The following DPP6 variants were observed in gnomAD, a reference collection of about 807,000 sequenced individuals.
DPP6 encodes dipeptidyl peptidase like 6.
A neutral mutation model predicts 122.6 loss-of-function variants in DPP6; 69 were observed. The ratio of observed to expected loss-of-function variants is 0.56; its 90% CI spans 0.46 to 0.69. The LOEUF is 0.69. Ranked by LOEUF, DPP6 falls within the 30% of genes least tolerant of loss-of-function variation. The probability of loss-of-function intolerance (pLI) is 0.00; values close to 1 mark genes in which losing one functional copy is unlikely to be tolerated. For synonymous variants in DPP6, 418 were observed against 433.1 expected, an observed-to-expected ratio of 0.97 and a Z score of 0.43; for missense variants, 928 against 1,116.9, an observed-to-expected ratio of 0.83 and a Z score of 2.41.
chr7:153,861,736 A>G, the DPP6 span, among the ~76,000 whole-genome samples: 7 of 152,184 alleles, frequency 4.6e-5, no homozygotes, highest in Non-Finnish European at 1.0e-4. Context: ...AGATAAAGAG[A>G]TGTTTACTCA....
At chr7:154,181,204 G>A (rs1452545836) in intron 1 of DPP6, among the ~76,000 whole-genome samples, 1 of 152,210 alleles carries the variant, frequency 6.6e-6, no homozygotes, top group Non-Finnish European at 1.5e-5. Context: ...GAAAACTGCT[G>A]ATTCTGAGTT....
intron 1 of DPP6, among the ~76,000 whole-genome samples, chr7:154,398,953 A>G (rs747960275): frequency 2.6e-5 from 4 of 152,194 alleles, no homozygotes; most frequent in Non-Finnish European, 4.4e-5. Context: ...CCAGGGTAAA[A>G]TATTTCTGAG....
chr7:153,944,822 G>A (rs1439188505), intron 1 of DPP6, among the ~76,000 whole-genome samples: 1 of 151,918 alleles, frequency 6.6e-6, no homozygotes, highest in South Asian at 2.1e-4. Flanking sequence ...GTAGAGATGG[G>A]GTTTCACCAT....
intron 1 of DPP6, among the ~76,000 whole-genome samples, chr7:154,261,765 A>G (rs1191431336): frequency 6.6e-6 from 1 of 152,206 alleles, no homozygotes; most frequent in East Asian, 1.9e-4. Context: ...AAGATATACA[A>G]ATGGCCAACA....
chr7:154,284,813 C>T (rs561627966), intron 1 of DPP6, among the ~76,000 whole-genome samples: 1 of 152,306 alleles, frequency 6.6e-6, no homozygotes, highest in African/African-American at 2.4e-5. Context: ...AAAGACTGGG[C>T]CACTGCACTC....
At chr7:154,582,251 GA>G (rs1284614710) in intron 5 of DPP6, among the ~76,000 whole-genome samples, 1 of 152,178 alleles carries the variant, frequency 6.6e-6, no homozygotes, top group Admixed American at 6.5e-5. Flanking sequence ...GGTGTTTCTG[GA>G]GATGAGGAAT....
chr7:154,220,158 G>A (rs1800222586), intron 1 of DPP6, among the ~76,000 whole-genome samples: 1 of 152,188 alleles, frequency 6.6e-6, no homozygotes, highest in Admixed American at 6.5e-5. Context: ...AGTATCAAGA[G>A]ATGGGTCCTT....
chr7:154,753,503 A>C (rs1354328803), intron 8 of DPP6, among the ~76,000 whole-genome samples: 1 of 151,898 alleles, frequency 6.6e-6, no homozygotes, highest in Non-Finnish European at 1.5e-5. Context: ...CCCGAGCGCC[A>C]CCTCTCATTC....
At chr7:154,305,789 G>GCGC (rs1202336054) in intron 1 of DPP6, among the ~76,000 whole-genome samples, 1 of 152,024 alleles carries the variant, frequency 6.6e-6, no homozygotes. Context: ...TCTCTAAAGG[G>GCGC]CGCCCTGGCT....
chr7:154,775,115 G>T (rs1796482531), intron 10 of DPP6, among the ~76,000 whole-genome samples: 2 of 152,110 alleles, frequency 1.3e-5, no homozygotes, highest in African/African-American at 4.8e-5. Context: ...CTCCAGCATT[G>T]CCCAGTGTCC....
chr7:154,219,150 A>T (rs1357969590), intron 1 of DPP6, among the ~76,000 whole-genome samples: 1 of 152,210 alleles, frequency 6.6e-6, no homozygotes, highest in Non-Finnish European at 1.5e-5. Flanking sequence ...ATAAATTCTC[A>T]GTTTAGCATG....
At chr7:154,497,073 C>T (rs138157899) in intron 3 of DPP6, among the ~76,000 whole-genome samples, 2 of 150,112 alleles carry the variant, frequency 1.3e-5, no homozygotes, top group Non-Finnish European at 2.9e-5. Context: ...CCCCCATGAA[C>T]CATTGTAGGT....
intron 16 of DPP6, among the ~76,000 whole-genome samples, chr7:154,825,881 G>A (rs1282833864): frequency 4.6e-5 from 7 of 152,172 alleles, no homozygotes; most frequent in African/African-American, 1.7e-4. Flanking sequence ...TTCTCACAAG[G>A]CCTGTTGGTT....
intron 1 of DPP6, among the ~76,000 whole-genome samples, chr7:153,973,487 C>T (rs867382402): frequency 6.6e-6 from 1 of 152,128 alleles, no homozygotes; most frequent in African/African-American, 2.4e-5. Context: ...CCTGGGCAGT[C>T]TTCATCCATT....
At chr7:154,506,232 T>C (rs962947808) in intron 3 of DPP6, among the ~76,000 whole-genome samples, 1 of 152,110 alleles carries the variant, frequency 6.6e-6, no homozygotes, top group African/African-American at 2.4e-5. Flanking sequence ...CAGTTTTTTT[T>C]TTCTCAGTTT....
At position 154,105,348 on chromosome 7, in the gene DPP6, G is replaced by T. The variant is rs368761099; in HGVS notation, c.243+52285G>T. ...GTGCTGATAACAGAACCAATCACAG[G>T]CACAACTAGCCTGGGATTCCAGGCC... On this transcript the variant is annotated intron_variant, in intron 1 of 25. Coordinates refer to ENST00000377770, the MANE Select transcript of DPP6 (RefSeq NM_130797.4). 1.6e-4 allele frequency among the ~76,000 whole-genome samples: 24 copies of T among 152,274 alleles called. 1 individual carries two copies. The East Asian group carries it at 2.7e-3, about 17-fold the overall frequency.
chr7:154,110,336 T>G (rs1345557054), intron 1 of DPP6, among the ~76,000 whole-genome samples: 1 of 152,124 alleles, frequency 6.6e-6, no homozygotes, highest in Non-Finnish European at 1.5e-5. Context: ...GTGCTTACCC[T>G]TTACTAAGGA....
the DPP6 span, among the ~76,000 whole-genome samples, chr7:153,853,814 T>C: frequency 2.0e-5 from 3 of 151,924 alleles, no homozygotes; most frequent in African/African-American, 7.3e-5. Context: ...ACTCTGATGG[T>C]AGTTTCTTTT....
chr7:154,238,702 C>A (rs935121614), intron 1 of DPP6, among the ~76,000 whole-genome samples: 4 of 152,182 alleles, frequency 2.6e-5, no homozygotes, highest in Admixed American at 6.6e-5. Flanking sequence ...AATGGATTCT[C>A]TTATTATTAT....
Sources: allele counts gnomAD v4.1 joint callset (sites outside exome capture counted in the v4.1 genomes callset), GRCh38; gene constraint gnomAD v4.1.1; transcripts MANE v1.5; gene names NCBI Gene and HGNC (gene_info 2026-07-23, HGNC 2026-07-21).